Variants in MGST1 observed in about 807,000 individuals in gnomAD.
MGST1 encodes the protein glutathione S-transferase 12.
MGST1 carries 5 observed loss-of-function variants against 8.9 expected under a neutral mutation model. The ratio of observed to expected loss-of-function variants is 0.56; its 90% CI spans 0.29 to 1.19. The LOEUF is 1.19. MGST1 is among the 50% of genes most tolerant of loss of function. The pLI is 0.08. For synonymous variants in MGST1, 54 were observed against 67.8 expected (o/e 0.80, Z 1.00); for missense variants, 182 against 187.4 (o/e 0.97, Z 0.17).
chr12:16,382,092 T>C (rs1487479935), downstream of MGST1, among the ~76,000 whole-genome samples: 2 of 152,190 alleles, frequency 1.3e-5, no homozygotes, highest in Non-Finnish European at 2.9e-5. Context: ...AATTTCCTCC[T>C]GTAGCTCGGA....
At chr12:16,427,496 C>A (rs1054308262) in intron 1 of MGST1, among the ~76,000 whole-genome samples, 1 of 152,170 alleles carries the variant, frequency 6.6e-6, no homozygotes, top group Non-Finnish European at 1.5e-5. Flanking sequence ...GATTCACATG[C>A]CTCAGCCACT....
chr12:16,412,322 T>C (rs551349933), intron 1 of MGST1, among the ~76,000 whole-genome samples: 1 of 152,300 alleles, frequency 6.6e-6, no homozygotes, highest in East Asian at 1.9e-4. Flanking sequence ...ATAGTCTAAC[T>C]GCTCCAATCA....
downstream of MGST1, among the ~76,000 whole-genome samples, chr12:16,440,067 A>G (rs1941026572): frequency 6.6e-6 from 1 of 151,816 alleles, no homozygotes. Context: ...TTTCCTGGTT[A>G]AATAGCTGTC....
intron 4 of MGST1, among the ~76,000 whole-genome samples, chr12:16,477,446 A>G (rs1406134061): frequency 6.6e-6 from 1 of 152,194 alleles, no homozygotes; most frequent in Non-Finnish European, 1.5e-5. Context: ...ATTCCTTTCT[A>G]TGTAACACAA....
At chr12:16,574,260 C>T (rs1193926477) in intron 4 of MGST1, among the ~76,000 whole-genome samples, 2 of 152,060 alleles carry the variant, frequency 1.3e-5, no homozygotes, top group Non-Finnish European at 2.9e-5. Context: ...TAAACGATGA[C>T]TCTTTAAACC....
chr12:16,569,291 ACTT>A (rs1942727396), intron 4 of MGST1, among the ~76,000 whole-genome samples: 1 of 152,098 alleles, frequency 6.6e-6, no homozygotes, highest in African/African-American at 2.4e-5. Context: ...TTCTCACTAT[ACTT>A]CTTTGTTTTT....
At chr12:16,421,771 C>T (rs1940838222) in intron 1 of MGST1, among the ~76,000 whole-genome samples, 1 of 152,138 alleles carries the variant, frequency 6.6e-6, no homozygotes, top group Non-Finnish European at 1.5e-5. Context: ...GGGTCAAAGA[C>T]TGTAACCCCT....
intron 4 of MGST1, among the ~76,000 whole-genome samples, chr12:16,534,719 G>A (rs1212526749): frequency 1.3e-5 from 2 of 152,154 alleles, no homozygotes; most frequent in African/African-American, 4.8e-5. Context: ...ATGTGAGATA[G>A]TGCTAGGTTT....
At chr12:16,533,567 C>A (rs776209786) in intron 4 of MGST1, among the ~76,000 whole-genome samples, 1 of 152,096 alleles carries the variant, frequency 6.6e-6, no homozygotes, top group Non-Finnish European at 1.5e-5. Flanking sequence ...TCATAAATTA[C>A]TTATCTGGAG....
At chr12:16,516,718 T>G (rs183227787) in intron 4 of MGST1, among the ~76,000 whole-genome samples, 2 of 152,168 alleles carry the variant, frequency 1.3e-5, no homozygotes, top group South Asian at 4.1e-4. Context: ...TTGCTTTTTT[T>G]AAAGGAAGAC....
chr12:16,386,538 C>T (rs962254455), intron 1 of MGST1, among the ~76,000 whole-genome samples: 1 of 152,138 alleles, frequency 6.6e-6, no homozygotes, highest in Admixed American at 6.5e-5. Flanking sequence ...ATACTGAGAC[C>T]GAAGCTTCTA....
At chr12:16,419,411 G>A (rs551358890) in intron 1 of MGST1, among the ~76,000 whole-genome samples, 9 of 152,166 alleles carry the variant, frequency 5.9e-5, no homozygotes, top group East Asian at 5.8e-4. Flanking sequence ...TTTAGAAACC[G>A]TGGTCTGTCC....
chr12:16,402,137 C>T, intron 1 of MGST1: 5 of 1,524,328 alleles, frequency 3.3e-6, no homozygotes, highest in African/African-American at 2.7e-5. Context: ...CATTAGCATT[C>T]TCATTGCCCT....
chr12:16,581,874 A>G (rs1211171796), intron 4 of MGST1, among the ~76,000 whole-genome samples: 1 of 152,068 alleles, frequency 6.6e-6, no homozygotes, highest in Non-Finnish European at 1.5e-5. Context: ...AAAACTATAA[A>G]TTTGATTTAC....
intron 3 of MGST1, among the ~76,000 whole-genome samples, chr12:16,359,614 A>T (rs941422572): frequency 7.9e-5 from 12 of 152,136 alleles, no homozygotes; most frequent in African/African-American, 2.2e-4. Flanking sequence ...GAAAAAAAAT[A>T]AAAAAAAGTG....
At chr12:16,514,644 C>A (rs1941599910) in intron 4 of MGST1, among the ~76,000 whole-genome samples, 1 of 149,806 alleles carries the variant, frequency 6.7e-6, no homozygotes, top group Admixed American at 6.7e-5. Flanking sequence ...CTACCTTGTC[C>A]ATACCATTCA....
At chr12:16,395,792 T>TACACACAC (rs1371254759) in intron 1 of MGST1, among the ~76,000 whole-genome samples, 10 of 124,628 alleles carry the variant, frequency 8.0e-5, no homozygotes, top group East Asian at 2.8e-4. Flanking sequence ...TATATATATA[T>TACACACAC]ATATATATAT....
In MGST1 at chr12:16,516,727, ACTAT is replaced by A. The variant is rs575162703; in HGVS notation, n.483-72795_483-72792del. On this transcript the variant is annotated intron_variant and non_coding_transcript_variant, in intron 4 of 4. Transcript: ENST00000538857. Reference sequence around the variant, plus strand: ...AGGGCATTGCTTTTTTTAAAGGAAGACTATCTATCAGAAATGACCTCCCTGAGCT... The same window carrying A: ...AGGGCATTGCTTTTTTTAAAGGAAGACTATCAGAAATGACCTCCCTGAGCT... Among the ~76,000 whole-genome samples the A allele has an allele frequency of 3.4e-4, 52 of 152,314 alleles. 1 individual carries two copies. The South Asian group carries it at 9.5e-3, about 28-fold the overall frequency.
intron 4 of MGST1, among the ~76,000 whole-genome samples, chr12:16,529,353 T>C (rs1178505834): frequency 6.6e-6 from 1 of 152,042 alleles, no homozygotes; most frequent in African/African-American, 2.4e-5. Flanking sequence ...CAAAAATAAT[T>C]ATTGACTTAT....
Sources: allele counts gnomAD v4.1 joint callset (sites outside exome capture counted in the v4.1 genomes callset), GRCh38; gene constraint gnomAD v4.1.1; transcripts MANE v1.5; gene names NCBI Gene and HGNC (gene_info 2026-07-23, HGNC 2026-07-21).